Variants in SVOP observed in about 807,000 individuals in gnomAD.
SVOP encodes the protein synaptic vesicle 2-related protein.
SVOP carries 17 observed loss-of-function variants against 69.1 expected under a neutral mutation model. The observed-to-expected ratio is 0.25, with a 90% CI of 0.17 to 0.37. The LOEUF is 0.37. SVOP is among the 10% of genes least tolerant of loss of function. The pLI, the probability that SVOP is intolerant of heterozygous loss-of-function variation, is 1.00. For synonymous variants in SVOP, 238 were observed against 238.6 expected (o/e 1.00, Z 0.02); for missense variants, 435 against 597.5 (o/e 0.73, Z 2.84).
intron 1 of SVOP, among the ~76,000 whole-genome samples, chr12:109,001,243 A>T (rs1379739656): frequency 1.0e-5 from 1 of 95,676 alleles, no homozygotes; most frequent in African/African-American, 3.7e-5. Context: ...TAGGAATCCA[A>T]CTTACAAGGG....
intron 1 of SVOP, among the ~76,000 whole-genome samples, chr12:109,011,387 T>C (rs186327629): frequency 3.3e-4 from 50 of 152,352 alleles, no homozygotes; most frequent in African/African-American, 1.1e-3. Flanking sequence ...ATGCCCAGGC[T>C]ATTACAATAA....
In SVOP at chr12:108,912,591, C is replaced by T. The variant is rs374734041; in HGVS notation, c.1591G>A (p.Gly531Ser). 6.2e-6 allele frequency: 10 copies of T among 1,613,738 alleles called. No individual in the cohort carries two copies. Among genetic ancestry groups the T allele is most frequent in the African/African-American group, 1.3e-5 (1 of 74,886 alleles). The change falls in exon 16 of 16, where the codon GGC becomes AGC. Residue 531 changes from glycine (G) to serine (S), a missense_variant. Transcript: ENST00000610966. ...SHREWGQEMV[G>S]RGMHGAGVTR... Reference sequence around the variant, plus strand: ...ACACCTGCACCGTGCATTCCTCGGCCGACCATCTCCTGGCCCCACTCCCGG... The same window carrying T: ...ACACCTGCACCGTGCATTCCTCGGCTGACCATCTCCTGGCCCCACTCCCGG...
rs918504757 is a variant in SVOP, at chr12:108,996,009, T to C, written c.36-12248A>G. Among the ~76,000 whole-genome samples, 9 of 151,628 alleles carry C rather than the reference T, an allele frequency of 5.9e-5. No individual in the cohort carries two copies. The South Asian group carries it at 1.3e-3, about 21-fold the overall frequency. Reference sequence around the variant, plus strand: ...ACACACACATACATACATACATACATACACACACACACGCTGATCTGTAAG... The same window carrying C: ...ACACACACATACATACATACATACACACACACACACACGCTGATCTGTAAG... On this transcript the variant is annotated intron_variant, in intron 1 of 15. Transcript: ENST00000610966.
intron 13 of SVOP, 38 bp from the exon 14 acceptor site, chr12:108,918,162 C>A: frequency 1.3e-6 from 2 of 1,512,974 alleles, no homozygotes; most frequent in South Asian, 2.5e-5. Flanking sequence ...GCATTTTTTT[C>A]TGTCTGCTTG....
chr12:108,971,081 C>A (rs1025158090), intron 5 of SVOP, among the ~76,000 whole-genome samples: 1 of 151,894 alleles, frequency 6.6e-6, no homozygotes, highest in African/African-American at 2.4e-5. Context: ...ATTAACCCTC[C>A]AATACAGGTT....
intron 4 of SVOP, 112 bp downstream of exon 4, chr12:108,977,286 G>A (rs1180706823): frequency 7.7e-7 from 1 of 1,306,506 alleles, no homozygotes; most frequent in Non-Finnish European, 1.0e-6. Context: ...TTTCCATCAG[G>A]GCTTAATTCT....
At chr12:108,990,585 C>A (rs1043559120) in intron 1 of SVOP, among the ~76,000 whole-genome samples, 3 of 151,550 alleles carry the variant, frequency 2.0e-5, no homozygotes, top group Non-Finnish European at 4.4e-5. Flanking sequence ...GTGCAGCACA[C>A]CAACATGGCA....
In SVOP at chr12:108,938,810, T is replaced by C; in HGVS notation, c.897+17A>G. 2 of 1,613,910 alleles carry C rather than the reference T, an allele frequency of 1.2e-6. No homozygotes were observed. The highest frequency in any genetic ancestry group is 1.1e-5 in the South Asian group (1 of 91,078). On this transcript the variant is annotated intron_variant, in intron 9 of 15. Transcript: ENST00000610966. ...CCCGATACGCACATTGCAGAGTCTATTGGTCCAGGCACTGACCTGTCTGGA... is the reference window on the plus strand; with the variant it reads ...CCCGATACGCACATTGCAGAGTCTACTGGTCCAGGCACTGACCTGTCTGGA...
intron 6 of SVOP, among the ~76,000 whole-genome samples, chr12:108,950,237 T>G (rs571468349): frequency 4.7e-5 from 7 of 150,492 alleles, no homozygotes; most frequent in Non-Finnish European, 8.8e-5. Context: ...TAATTTTTCT[T>G]TTTCTTTCTT....
chr12:108,952,034 G>A (rs2039957930), intron 6 of SVOP, among the ~76,000 whole-genome samples: 2 of 152,090 alleles, frequency 1.3e-5, no homozygotes, highest in African/African-American at 4.8e-5. Context: ...CAGATGCCAT[G>A]GGACCAGGTG....
intron 3 of SVOP, among the ~76,000 whole-genome samples, chr12:108,977,714 T>C (rs2040114692): frequency 6.6e-6 from 1 of 152,232 alleles, no homozygotes; most frequent in Admixed American, 6.5e-5. Context: ...ATTATTTTCG[T>C]GTGTGGTTTT....
intron 1 of SVOP, among the ~76,000 whole-genome samples, chr12:109,011,752 A>G (rs1169025082): frequency 1.3e-5 from 2 of 152,248 alleles, no homozygotes; most frequent in Non-Finnish European, 2.9e-5. Flanking sequence ...TATAAACACA[A>G]TGGAATACTA....
chr12:108,963,569 C>A (rs1348505517), intron 5 of SVOP, among the ~76,000 whole-genome samples: 1 of 152,086 alleles, frequency 6.6e-6, no homozygotes, highest in Non-Finnish European at 1.5e-5. Context: ...CTCACTGCAA[C>A]CTCCGCCTCC....
intron 5 of SVOP, among the ~76,000 whole-genome samples, chr12:108,971,311 C>A (rs1207967304): frequency 1.3e-5 from 2 of 152,068 alleles, no homozygotes; most frequent in East Asian, 3.9e-4. Context: ...TGCCTGTAAT[C>A]CCAGCTACTT....
chr12:108,974,163 T>C (rs2040094286), intron 4 of SVOP, among the ~76,000 whole-genome samples: 9 of 152,212 alleles, frequency 5.9e-5, no homozygotes, highest in Admixed American at 5.2e-4. Flanking sequence ...TTCATATATA[T>C]AGTCATTCAG....
chr12:108,958,272 G>A (rs1233988727), intron 6 of SVOP, among the ~76,000 whole-genome samples: 1 of 150,626 alleles, frequency 6.6e-6, no homozygotes, highest in African/African-American at 2.4e-5. Flanking sequence ...CCAAAGTGCT[G>A]AGATTACAGG....
chr12:108,992,212 G>A (rs2040206005), intron 1 of SVOP, among the ~76,000 whole-genome samples: 1 of 151,034 alleles, frequency 6.6e-6, no homozygotes, highest in South Asian at 2.1e-4. Flanking sequence ...CTCTAGAACT[G>A]GTACCATCGG....
intron 1 of SVOP, among the ~76,000 whole-genome samples, chr12:109,018,877 T>C (rs995583308): frequency 2.6e-5 from 4 of 152,260 alleles, no homozygotes; most frequent in Admixed American, 6.5e-5. Flanking sequence ...CATTATCTCA[T>C]TTGATCTTCA....
At chr12:108,944,147 C>T (rs146182242) in intron 7 of SVOP, among the ~76,000 whole-genome samples, 3,249 of 151,482 alleles carry the variant, frequency 0.021, 132 homozygotes, top group African/African-American at 0.074. Context: ...TCCCAAAGTA[C>T]GGGATTATGG....
Sources: allele counts gnomAD v4.1 joint callset (sites outside exome capture counted in the v4.1 genomes callset), GRCh38; gene constraint gnomAD v4.1.1; transcripts MANE v1.5; gene names NCBI Gene and HGNC (gene_info 2026-07-23, HGNC 2026-07-21).